Variants in PDE10A observed in about 807,000 individuals in gnomAD.
PDE10A encodes the protein cAMP and cAMP-inhibited cGMP 3',5'-cyclic phosphodiesterase 10A.
A neutral mutation model predicts 97.7 loss-of-function variants in PDE10A; 39 were observed. The observed-to-expected ratio is 0.40, with a 90% CI of 0.31 to 0.52. The LOEUF (loss-of-function observed/expected upper bound fraction) is 0.52. PDE10A is among the 20% of genes least tolerant of loss of function. The pLI is 0.56. For synonymous variants in PDE10A, 371 were observed against 376.8 expected (o/e 0.98, Z 0.18); for missense variants, 731 against 1,047.8 (o/e 0.70, Z 4.17).
chr6:165,548,819 A>G (rs996835716), intron 1 of PDE10A, among the ~76,000 whole-genome samples: 3 of 152,212 alleles, frequency 2.0e-5, no homozygotes, highest in Admixed American at 6.5e-5. Flanking sequence ...ATCAAACAAG[A>G]CAAATGCTTA....
chr6:165,894,271 G>A (rs560570181), intron 1 of PDE10A: 4 of 455,882 alleles, frequency 8.8e-6, no homozygotes, highest in South Asian at 6.2e-5. Flanking sequence ...CAGTGATTTG[G>A]TGAAGCCCGA....
intron 13 of PDE10A, among the ~76,000 whole-genome samples, chr6:165,409,114 G>A (rs1234547863): frequency 4.8e-5 from 7 of 144,758 alleles, no homozygotes; most frequent in East Asian, 2.0e-4. Flanking sequence ...GCAACAAGCC[G>A]AGATGGCACC....
chr6:165,546,500 T>A (rs1783747545), intron 1 of PDE10A, among the ~76,000 whole-genome samples: 1 of 152,070 alleles, frequency 6.6e-6, no homozygotes, highest in Non-Finnish European at 1.5e-5. Context: ...ATTACACATG[T>A]AATATAAAAC....
At chr6:165,444,631 T>C (rs931546749) in intron 5 of PDE10A, among the ~76,000 whole-genome samples, 1 of 152,094 alleles carries the variant, frequency 6.6e-6, no homozygotes, top group African/African-American at 2.4e-5. Context: ...ACATAATGAT[T>C]TCCATAATAA....
chr6:165,857,699 G>A (rs1456465553), intron 1 of PDE10A, among the ~76,000 whole-genome samples: 3 of 42,514 alleles, frequency 7.1e-5, no homozygotes, highest in South Asian at 1.4e-3. Flanking sequence ...CAACAGTTCC[G>A]TGTGTGTGTG....
intron 10 of PDE10A, among the ~76,000 whole-genome samples, chr6:165,423,605 C>G (rs562229186): frequency 6.6e-6 from 1 of 152,128 alleles, no homozygotes; most frequent in Admixed American, 6.6e-5. Context: ...CGGTGGCTGA[C>G]GCCTGTAATC....
At chr6:165,732,652 T>A (rs1792467804) in intron 1 of PDE10A, among the ~76,000 whole-genome samples, 1 of 152,146 alleles carries the variant, frequency 6.6e-6, no homozygotes, top group South Asian at 2.1e-4. Flanking sequence ...CTCCTCACAC[T>A]TTGCAAATTT....
intron 1 of PDE10A, among the ~76,000 whole-genome samples, chr6:165,651,624 T>G (rs1789690358): frequency 1.3e-5 from 2 of 152,204 alleles, no homozygotes; most frequent in African/African-American, 2.4e-5. Context: ...TTTCATTGTG[T>G]TTTTTGAATG....
At chr6:165,340,990 A>C (rs988425144) in intron 19 of PDE10A, among the ~76,000 whole-genome samples, 8 of 152,250 alleles carry the variant, frequency 5.3e-5, no homozygotes, top group Admixed American at 3.3e-4. Context: ...AATTTCAAGC[A>C]ACCTGGCACC....
Position 165,836,462 on chromosome 6 carries a change from G to A in PDE10A, c.-615+151067C>T, listed in dbSNP as rs575407804. ...CATGACTATCTGCAGATACTCCAGC[G>A]GTCAGGCAGCTCTTCTATTCCAAAC... On this transcript the variant is annotated intron_variant, in intron 1 of 19. Transcript: ENST00000366882. Among the ~76,000 whole-genome samples, 7 of 152,282 alleles carry A rather than the reference G, an allele frequency of 4.6e-5. No individual in the cohort carries two copies. In the South Asian group the frequency reaches 6.2e-4, roughly 14 times the overall value.
chr6:165,704,402 T>A (rs1422913939), intron 1 of PDE10A, among the ~76,000 whole-genome samples: 1 of 152,162 alleles, frequency 6.6e-6, no homozygotes, highest in Non-Finnish European at 1.5e-5. Flanking sequence ...TGAGATAACA[T>A]CAGCAAAAAT....
intron 5 of PDE10A, among the ~76,000 whole-genome samples, chr6:165,442,359 G>T (rs1790536855): frequency 6.6e-6 from 1 of 151,820 alleles, no homozygotes; most frequent in African/African-American, 2.4e-5. Flanking sequence ...TGTCCTCATT[G>T]TTCAGTTCCC....
At chr6:165,971,817 C>T (rs541916764) in intron 1 of PDE10A, among the ~76,000 whole-genome samples, 1 of 152,238 alleles carries the variant, frequency 6.6e-6, no homozygotes, top group Admixed American at 6.5e-5. Flanking sequence ...TTTTGGCAGC[C>T]ACAGAGCTTT....
At chr6:165,501,817 G>A (rs773576623) in intron 2 of PDE10A, among the ~76,000 whole-genome samples, 1 of 152,098 alleles carries the variant, frequency 6.6e-6, no homozygotes, top group African/African-American at 2.4e-5. Context: ...AATATATATG[G>A]TAATGCAAAT....
At chr6:165,910,221 G>A (rs939877273) in intron 1 of PDE10A, among the ~76,000 whole-genome samples, 1 of 152,182 alleles carries the variant, frequency 6.6e-6, no homozygotes, top group African/African-American at 2.4e-5. Flanking sequence ...CCAGTGTTAA[G>A]CAGGACTCAA....
intron 1 of PDE10A, among the ~76,000 whole-genome samples, chr6:165,817,725 C>G (rs1411338252): frequency 6.6e-6 from 1 of 152,126 alleles, no homozygotes; most frequent in Non-Finnish European, 1.5e-5. Context: ...AATAGGACAA[C>G]TGGGTTGTAG....
chr6:165,737,635 G>A (rs1792611359), intron 1 of PDE10A, among the ~76,000 whole-genome samples: 1 of 152,178 alleles, frequency 6.6e-6, no homozygotes, highest in South Asian at 2.1e-4. Context: ...CATGATAAAA[G>A]CTCTCAACAA....
intron 1 of PDE10A, among the ~76,000 whole-genome samples, chr6:165,740,316 AAGAG>A (rs60010542): frequency 0.11 from 16,318 of 146,366 alleles, 1,272 homozygotes; most frequent in African/African-American, 0.23. Flanking sequence ...TATGGAGAGA[AAGAG>A]AGAGAGAGAG....
intron 1 of PDE10A, among the ~76,000 whole-genome samples, chr6:165,917,686 C>T (rs1361021489): frequency 6.6e-6 from 1 of 152,228 alleles, no homozygotes; most frequent in African/African-American, 2.4e-5. Context: ...TGCGGCGGAG[C>T]CCGCTGGAGG....
Sources: allele counts gnomAD v4.1 joint callset (sites outside exome capture counted in the v4.1 genomes callset), GRCh38; gene constraint gnomAD v4.1.1; transcripts MANE v1.5; gene names NCBI Gene and HGNC (gene_info 2026-07-23, HGNC 2026-07-21).